The following ABCA13 variants were observed in gnomAD, a reference collection of about 807,000 sequenced individuals.
ABCA13 encodes ATP binding cassette subfamily A member 13.
ABCA13 carries 476 observed loss-of-function variants against 478.7 expected under a neutral mutation model. That is an observed-to-expected ratio of 0.99 (90% CI 0.92 to 1.07). The LOEUF (loss-of-function observed/expected upper bound fraction) is 1.07, where lower values mean the gene tolerates loss of function less well. ABCA13 is among the 50% of genes least tolerant of loss of function. The pLI is 0.00. For synonymous variants in ABCA13, 2,252 were observed against 2,158.9 expected (o/e 1.04, Z -1.20); for missense variants, 6,060 against 5,910.6 (o/e 1.03, Z -0.83).
chr7:48,618,409 A>G (rs1203967941), intron 59 of ABCA13, among the ~76,000 whole-genome samples: 1 of 152,190 alleles, frequency 6.6e-6, no homozygotes, highest in African/African-American at 2.4e-5. Context: ...TCCTGGACTG[A>G]CCTCATCCTT....
Position 48,198,417 on chromosome 7 carries a change from G to A in ABCA13, c.287+57G>A, listed in dbSNP as rs1489671949. 1.6e-5 allele frequency: 25 copies of A among 1,588,948 alleles called. No individual in the cohort carries two copies. In the African/African-American group the frequency reaches 3.0e-4, roughly 19 times the overall value. On this transcript the variant is annotated intron_variant, in intron 3 of 61. Transcript: ENST00000435803. ...TCTCAGAAAGCTGATACATAGAACA[G>A]GCTTCTGCTTTTTGTAAAGCCTCAA...
At chr7:48,237,820 A>T (rs924176094) in intron 8 of ABCA13, among the ~76,000 whole-genome samples, 6 of 152,148 alleles carry the variant, frequency 3.9e-5, no homozygotes, top group African/African-American at 1.4e-4. Context: ...ACCTTCTATA[A>T]TAGGGCATGT....
At chr7:48,224,765 G>C (rs918580887) in intron 5 of ABCA13, among the ~76,000 whole-genome samples, 1 of 152,026 alleles carries the variant, frequency 6.6e-6, no homozygotes, top group Non-Finnish European at 1.5e-5. Context: ...TGTTCAGAGC[G>C]TGTGCTCCCT....
At chr7:48,484,121 A>G (rs1019083974) in intron 47 of ABCA13, among the ~76,000 whole-genome samples, 1 of 152,226 alleles carries the variant, frequency 6.6e-6, no homozygotes, top group Non-Finnish European at 1.5e-5. Context: ...GGATAAAGAC[A>G]TGCACATGTT....
chr7:48,376,237 C>T (rs370278476), intron 34 of ABCA13, among the ~76,000 whole-genome samples: 6 of 152,090 alleles, frequency 3.9e-5, no homozygotes, highest in South Asian at 2.1e-4. Context: ...AGTTAACAAT[C>T]CCCCCACCTG....
chr7:48,587,386 T>C, intron 57 of ABCA13, 98 bp downstream of exon 57: 1 of 1,352,584 alleles, frequency 7.4e-7, no homozygotes, highest in Non-Finnish European at 9.8e-7. Context: ...ACTTCAGAAC[T>C]TGCAAAGCTG....
chr7:48,432,400 A>G (rs978484455), intron 42 of ABCA13, among the ~76,000 whole-genome samples: 4 of 152,176 alleles, frequency 2.6e-5, no homozygotes, highest in Non-Finnish European at 5.9e-5. Context: ...GCCATTATAG[A>G]AAATAGTATG....
At chr7:48,339,837 C>G (rs1252629165) in intron 29 of ABCA13, among the ~76,000 whole-genome samples, 1 of 152,148 alleles carries the variant, frequency 6.6e-6, no homozygotes, top group African/African-American at 2.4e-5. Flanking sequence ...TGGGAGCAGG[C>G]ACAGAGTGGG....
At chr7:48,226,667 C>A (rs1368861528) in intron 5 of ABCA13, among the ~76,000 whole-genome samples, 2 of 152,100 alleles carry the variant, frequency 1.3e-5, no homozygotes, top group African/African-American at 2.4e-5. Flanking sequence ...TGTTTTTCCA[C>A]CTAGGGAGAG....
At chr7:48,295,339 G>T (rs11765635) in intron 20 of ABCA13, among the ~76,000 whole-genome samples, 5,528 of 152,306 alleles carry the variant, frequency 0.036, 206 homozygotes, top group Admixed American at 0.1. Context: ...TTGGATAAGT[G>T]TCTGTTCAGG....
Position 48,245,613 on chromosome 7 carries a change from G to A in ABCA13, c.1491+1G>A. On this transcript the variant is annotated splice_donor_variant, in intron 12 of 61. Coordinates refer to ENST00000435803, the MANE Select transcript of ABCA13 (RefSeq NM_152701.5). LOFTEE classifies it high-confidence loss of function. The stretch of plus-strand genomic sequence containing the variant: ...TGTGTTCTTTTGGGAGCTGAAACAG[G>A]TAAAGCACAACAAATAATTATAAAT... The A allele has an allele frequency of 6.2e-7, 1 of 1,604,610 alleles. No individual in the cohort carries two copies. Among genetic ancestry groups the A allele is most frequent in the Non-Finnish European group, 8.5e-7 (1 of 1,176,914 alleles).
At chr7:48,482,963 T>C (rs187738346) in intron 46 of ABCA13, 113 bp from the exon 47 acceptor site, 87 of 744,706 alleles carry the variant, frequency 1.2e-4, no homozygotes, top group Non-Finnish European at 1.8e-4. Flanking sequence ...AGATGCTCAG[T>C]TGGCTACTGT....
At chr7:48,229,795 A>T in intron 6 of ABCA13, 30 bp from the exon 7 acceptor site, 1 of 1,613,226 alleles carries the variant, frequency 6.2e-7, no homozygotes, top group Non-Finnish European at 8.5e-7. Flanking sequence ...CTACCCACTC[A>T]TATTGCTTTT....
Position 48,455,267 on chromosome 7 carries a change from G to T in ABCA13, c.12796G>T (p.Ala4266Ser), listed in dbSNP as rs764475619. Residue 4266 changes from alanine to serine, a missense_variant, in exon 43 of 62, where the codon GCC becomes TCC. Physicochemically the swap from Ala to Ser is moderately conservative, Grantham distance 99. This residue lies in a region of ABCA13 where 1,627 missense variants were observed against 1,571.0 expected (regional missense o/e 1.04). Coordinates refer to ENST00000435803, the MANE Select transcript of ABCA13 (RefSeq NM_152701.5). ...LRLTPGHYQR[A>S]ETYFFSSGGD... ...ACTCACACCTGGACATTACCAGCGG[G>T]CCGAGACCTACTTTTTCAGGTAAGT... 5.0e-6 allele frequency: 8 copies of T among 1,604,476 alleles called. No individual in the cohort carries two copies. In the African/African-American group the frequency reaches 9.4e-5, roughly 19 times the overall value.
chr7:48,333,223 T>C (rs1356307269), intron 27 of ABCA13, among the ~76,000 whole-genome samples: 1 of 152,234 alleles, frequency 6.6e-6, no homozygotes, highest in African/African-American at 2.4e-5. Flanking sequence ...TCTCCATTCT[T>C]CTACTGAGAC....
rs1823630071 is a variant in ABCA13 at position 48,441,801 on chromosome 7, T to C, written c.12566-13236T>C. On this transcript the variant is annotated intron_variant, in intron 42 of 61. Transcript: ENST00000435803. ...GATGTTATAGAGATGTGATTTGGATTTCTGGGCAGTGTTGAGAGCCCTGTT... is the reference window on the plus strand; with the variant it reads ...GATGTTATAGAGATGTGATTTGGATCTCTGGGCAGTGTTGAGAGCCCTGTT... 2.0e-5 allele frequency among the ~76,000 whole-genome samples: 3 copies of C among 152,204 alleles called. 1 individual carries two copies. The highest frequency in any genetic ancestry group is 4.1e-4 in the South Asian group (2 of 4,828).
intron 41 of ABCA13, among the ~76,000 whole-genome samples, chr7:48,423,989 T>C (rs1473560182): frequency 6.6e-6 from 1 of 152,204 alleles, no homozygotes; most frequent in East Asian, 1.9e-4. Flanking sequence ...TTTGGTCCAT[T>C]TGAATTGGCT....
intron 31 of ABCA13, among the ~76,000 whole-genome samples, chr7:48,360,401 A>G (rs1301247572): frequency 6.6e-6 from 1 of 151,972 alleles, no homozygotes; most frequent in Non-Finnish European, 1.5e-5. Flanking sequence ...ATTTATAGAT[A>G]GTTCTTTGAT....
chr7:48,310,050 C>G lies in ABCA13; in HGVS notation c.9425C>G (p.Ala3142Gly). The G allele has an allele frequency of 6.2e-7, 1 of 1,613,850 alleles. No individual in the cohort carries two copies. The highest frequency in any genetic ancestry group is 8.5e-7 in the Non-Finnish European group (1 of 1,179,792). ...AAAGGGGAAAAATCTTGGATCGCAG[C>G]GGAGGAACTCTGTAGCCTGCCAGGG... Reference protein sequence around the residue: ...FPKGEKSWIAAEELCSLPGSK... With the variant: ...FPKGEKSWIAGEELCSLPGSK... Residue 3142 changes from alanine to glycine, a missense_variant, in exon 24 of 62, where the codon GCG becomes GGG. Ala to Gly is a moderately conservative substitution (Grantham distance 60). Coordinates refer to ENST00000435803, the MANE Select transcript of ABCA13 (RefSeq NM_152701.5).
Sources: allele counts gnomAD v4.1 joint callset (sites outside exome capture counted in the v4.1 genomes callset), GRCh38; gene constraint gnomAD v4.1.1; regional missense constraint gnomAD v4.1.1; transcripts MANE v1.5; gene names NCBI Gene and HGNC (gene_info 2026-07-23, HGNC 2026-07-21).